TMEFF2: variants seen among roughly 807,000 people sequenced by gnomAD.
The protein encoded by TMEFF2 is tomoregulin-2.
Under a neutral mutation model 53.8 loss-of-function variants are expected in TMEFF2, and 28 were observed. That is an observed-to-expected ratio of 0.52 (90% confidence interval 0.39 to 0.71). The LOEUF (loss-of-function observed/expected upper bound fraction) is 0.71, where lower values mean the gene tolerates loss of function less well. TMEFF2 is among the 30% of genes least tolerant of loss of function. The pLI, the probability that TMEFF2 is intolerant of heterozygous loss-of-function variation, is 0.00. For missense variants in TMEFF2, 353 were observed against 455.2 expected, an observed-to-expected ratio of 0.78 and a Z score of 2.04; for synonymous variants, 162 against 166.3, an observed-to-expected ratio of 0.97 and a Z score of 0.20.
chr2:192,029,686 T>C (rs1002426672), intron 5 of TMEFF2, among the ~76,000 whole-genome samples: 1 of 152,232 alleles, frequency 6.6e-6, no homozygotes, highest in Non-Finnish European at 1.5e-5. Flanking sequence ...CTTTTATTTA[T>C]GCATTCTATA....
intron 4 of TMEFF2, among the ~76,000 whole-genome samples, chr2:192,134,047 A>G (rs576364234): frequency 2.6e-5 from 4 of 152,262 alleles, no homozygotes; most frequent in South Asian, 4.1e-4. Context: ...TAGCCTAGCC[A>G]TCATGTCTGC....
chr2:191,953,958 G>T (rs571891245), intron 8 of TMEFF2, 121 bp from the exon 9 acceptor site: 2 of 844,632 alleles, frequency 2.4e-6, no homozygotes, highest in Non-Finnish European at 3.3e-6. Context: ...GGCGCATCTC[G>T]GCTCACTGCA....
At chr2:192,063,358 T>C (rs1688093807) in intron 4 of TMEFF2, among the ~76,000 whole-genome samples, 1 of 151,960 alleles carries the variant, frequency 6.6e-6, no homozygotes, top group East Asian at 1.9e-4. Flanking sequence ...TTCAAATGTA[T>C]ATTATTTTTA....
intron 5 of TMEFF2, among the ~76,000 whole-genome samples, chr2:192,006,287 A>T (rs1686499810): frequency 6.6e-6 from 1 of 152,142 alleles, no homozygotes; most frequent in African/African-American, 2.4e-5. Flanking sequence ...GGTCTTGGGA[A>T]TACTGGTCCT....
chr2:192,033,503 C>CA lies in TMEFF2; in HGVS notation c.536+24175dup, dbSNP rs1270271591. On this transcript the variant is annotated intron_variant, in intron 5 of 9. Coordinates refer to ENST00000272771, the MANE Select transcript of TMEFF2 (RefSeq NM_016192.4). ...GCTCTTAATTAGACTGCTTTTAGCA[C>CA]AAAAAAACCAGTTTGGATTTTTTTT... Among the ~76,000 whole-genome samples, 4 of 137,778 alleles carry CA rather than the reference C, an allele frequency of 2.9e-5. No individual in the cohort carries two copies. The South Asian group carries it at 7.1e-4, about 25-fold the overall frequency. The allele number at this position is 137,778 out of a possible 152,430, so 90.4% of individuals were successfully genotyped here.
intron 4 of TMEFF2, among the ~76,000 whole-genome samples, chr2:192,062,665 G>A (rs542057956): frequency 3.6e-4 from 55 of 151,952 alleles, no homozygotes; most frequent in East Asian, 5.8e-4. Context: ...TATTTTTCTC[G>A]GTCTATTTTG....
intron 5 of TMEFF2, among the ~76,000 whole-genome samples, chr2:192,037,650 AG>A (rs1687363567): frequency 9.7e-5 from 1 of 10,276 alleles, no homozygotes; most frequent in African/African-American, 1.3e-4. Flanking sequence ...AGAAAGAGAG[AG>A]AGAGAGAGAG....
At chr2:191,964,999 A>G (rs1692429275) in intron 7 of TMEFF2, among the ~76,000 whole-genome samples, 1 of 152,020 alleles carries the variant, frequency 6.6e-6, no homozygotes, top group South Asian at 2.1e-4. Flanking sequence ...GATTCCTTAA[A>G]TGTTGATACT....
intron 8 of TMEFF2, among the ~76,000 whole-genome samples, chr2:191,955,402 G>A (rs1207761262): frequency 6.6e-6 from 1 of 150,934 alleles, no homozygotes; most frequent in African/African-American, 2.4e-5. Context: ...AGGCTGGAGT[G>A]TAGTGGTGTG....
rs1691820216 is a variant in TMEFF2, at chr2:191,949,983, C to CAGTT, written c.*324_*327dup. ...GATTGTACTAGTCTGATTATATTTA[C>CAGTT]AGTTATGAGATACCGCAAATTTAAG... On this transcript the variant is annotated 3_prime_UTR_variant, in exon 10 of 10. Transcript: ENST00000272771. 2 of 1,095,676 alleles carry CAGTT rather than the reference C, an allele frequency of 1.8e-6. No homozygotes were observed. The highest frequency in any genetic ancestry group is 3.3e-5 in the African/African-American group (2 of 59,896). The allele number at this position is 1,095,676 out of a possible 1,614,324, so 67.9% of individuals were successfully genotyped here. A position where few individuals can be genotyped will look rare whatever the true frequency, so the allele number is the denominator to read the frequency against.
rs1280456458 is a variant in TMEFF2 at position 192,134,454 on chromosome 2, A to G, written c.439+45214T>C. Among the ~76,000 whole-genome samples, 33 of 152,256 alleles carry G rather than the reference A, an allele frequency of 2.2e-4. 1 individual carries two copies. In the South Asian group the frequency reaches 4.6e-3, roughly 21 times the overall value. ...ACCAGCAAAGGCAGGCCATGCTATA[A>G]TACAAGCCACTAGCCCGCCTCTTAG... On this transcript the variant is annotated intron_variant, in intron 4 of 9. Transcript: ENST00000272771.
Position 192,194,059 on chromosome 2 carries a change from A to G in TMEFF2, c.172+294T>C, listed in dbSNP as rs1337594108. On this transcript the variant is annotated intron_variant, in intron 1 of 9. Coordinates refer to ENST00000272771, the MANE Select transcript of TMEFF2 (RefSeq NM_016192.4). This position sits in a 1 kb window ranked among gnomAD's most constrained non-coding sequence, Gnocchi z 4.2. ...GATTGGTGCTCTTTCAAAACAGTGA[A>G]CCCAGAAAACCATCCCGTTTAATAT... is the stretch of plus-strand genomic sequence containing the variant. 6.6e-6 allele frequency among the ~76,000 whole-genome samples: 1 copy of G among 152,142 alleles called. No homozygotes were observed. Among genetic ancestry groups the G allele is most frequent in the East Asian group, 1.9e-4 (1 of 5,186 alleles).
intron 5 of TMEFF2, among the ~76,000 whole-genome samples, chr2:192,022,398 C>G (rs1008742344): frequency 3.9e-5 from 6 of 152,262 alleles, no homozygotes; most frequent in African/African-American, 9.6e-5. Flanking sequence ...GATTAATAAC[C>G]CTGTTAGTCT....
intron 4 of TMEFF2, among the ~76,000 whole-genome samples, chr2:192,075,305 ATATAT>A (rs1559115067): frequency 6.8e-4 from 19 of 27,982 alleles, no homozygotes; most frequent in Non-Finnish European, 1.1e-3. Flanking sequence ...ATATATATAT[ATATAT>A]ATATATATAT....
At chr2:192,180,710 A>T (rs902950433) in intron 3 of TMEFF2, among the ~76,000 whole-genome samples, 1 of 151,668 alleles carries the variant, frequency 6.6e-6, no homozygotes, top group East Asian at 1.9e-4. Context: ...GTTTGCTTCC[A>T]TGATACTTTA....
intron 4 of TMEFF2, among the ~76,000 whole-genome samples, chr2:192,081,043 T>C (rs1161289649): frequency 6.6e-6 from 1 of 152,224 alleles, no homozygotes; most frequent in Non-Finnish European, 1.5e-5. Flanking sequence ...AGAACAGTAA[T>C]TTTTTGTTAT....
intron 5 of TMEFF2, among the ~76,000 whole-genome samples, chr2:192,055,545 C>T (rs1438206274): frequency 2.0e-5 from 3 of 151,922 alleles, no homozygotes; most frequent in Admixed American, 6.6e-5. Flanking sequence ...GAGGCCGAGG[C>T]GGGCAAATCA....
chr2:191,953,893 T>A, intron 8 of TMEFF2, 56 bp from the exon 9 acceptor site: 3 of 1,204,798 alleles, frequency 2.5e-6, no homozygotes, highest in Non-Finnish European at 3.4e-6. Context: ...ATTTTTTTTT[T>A]TTTTTTTTTT....
chr2:192,101,997 T>C (rs575144524), intron 4 of TMEFF2, among the ~76,000 whole-genome samples: 1 of 152,280 alleles, frequency 6.6e-6, no homozygotes, highest in Admixed American at 6.5e-5. Context: ...ATTCTACATA[T>C]AAAGCATACA....
Sources: allele counts gnomAD v4.1 joint callset (sites outside exome capture counted in the v4.1 genomes callset), GRCh38; gene constraint gnomAD v4.1.1; non-coding constraint Gnocchi (gnomAD v3.1); transcripts MANE v1.5; gene names NCBI Gene and HGNC (gene_info 2026-07-23, HGNC 2026-07-21).